The following TMEM192 variants were observed in gnomAD, a reference collection of about 807,000 sequenced individuals.
TMEM192 encodes the protein transmembrane protein 192.
Under a neutral mutation model 26.7 loss-of-function variants are expected in TMEM192, and 20 were observed. The ratio of observed to expected loss-of-function variants is 0.75; its 90% CI spans 0.53 to 1.09. The LOEUF is 1.09. Among genes scored for constraint, TMEM192 ranks in the 50% least tolerant of loss-of-function variants. The pLI, the probability that TMEM192 is intolerant of heterozygous loss-of-function variation, is 0.00. For synonymous variants in TMEM192, 124 were observed against 121.0 expected (o/e 1.02, Z -0.16); for missense variants, 304 against 322.6 (o/e 0.94, Z 0.44).
At position 165,108,827 on chromosome 4, in the gene TMEM192, C is replaced by A. The variant is rs527687575; in HGVS notation, c.27+3920G>T. ...CTCTGGGTGCTCTGTCTTGTGAACT[C>A]CAGTTACCTCGATCTCCTAGACCCT... On this transcript the variant is annotated intron_variant, in intron 1 of 5. Transcript: ENST00000306480. Among the ~76,000 whole-genome samples, 236 of 152,270 alleles carry A rather than the reference C, an allele frequency of 1.5e-3. 2 individuals carry two copies. Among genetic ancestry groups the A allele is most frequent in the Non-Finnish European group, 3.0e-3 (201 of 68,018 alleles).
intron 3 of TMEM192, among the ~76,000 whole-genome samples, chr4:165,093,921 C>T (rs1364964500): frequency 3.5e-4 from 53 of 151,868 alleles, no homozygotes; most frequent in Admixed American, 3.5e-3. Context: ...TTTTTTGAGT[C>T]GGAGTTTTGC....
chr4:165,093,160 G>A (rs1253887453), intron 3 of TMEM192, among the ~76,000 whole-genome samples: 3 of 138,228 alleles, frequency 2.2e-5, no homozygotes, highest in Admixed American at 1.7e-4. Flanking sequence ...GCGGTGGCAC[G>A]ATCTCAGCTC....
chr4:165,075,573 AT>A lies in TMEM192; in HGVS notation c.*4084del, dbSNP rs70952698. The A allele has an allele frequency of 0.015, 2,029 of 135,630 alleles. 30 individuals are homozygous for A. The highest frequency in any genetic ancestry group is 0.046 in the African/African-American group (1,656 of 36,136). The allele number at this position is 135,630 out of a possible 1,614,324, so 8.4% of individuals were successfully genotyped here. A position where few individuals can be genotyped will look rare whatever the true frequency, so the allele number is the denominator to read the frequency against. ...CCAGCCGAAATACAAAATTTTTAGTATTTTTTTTTTTTTTTGAGATGGAGCC... is the reference window on the plus strand; with the variant it reads ...CCAGCCGAAATACAAAATTTTTAGTATTTTTTTTTTTTTTGAGATGGAGCC... On this transcript the variant is annotated 3_prime_UTR_variant, in exon 6 of 6. Coordinates refer to ENST00000306480, the MANE Select transcript of TMEM192 (RefSeq NM_001100389.2).
intron 3 of TMEM192, among the ~76,000 whole-genome samples, chr4:165,100,377 C>G (rs1334702969): frequency 6.6e-6 from 1 of 152,026 alleles, no homozygotes; most frequent in African/African-American, 2.4e-5. Context: ...CCAGGATGGT[C>G]TCGATCTCCT....
intron 1 of TMEM192, among the ~76,000 whole-genome samples, chr4:165,108,694 G>A (rs892277403): frequency 1.3e-5 from 2 of 152,182 alleles, no homozygotes; most frequent in African/African-American, 4.8e-5. Context: ...AGGCCTCCAA[G>A]AGCTTCCTCA....
chr4:165,084,886 C>T (rs767116050), intron 5 of TMEM192, among the ~76,000 whole-genome samples: 7 of 151,942 alleles, frequency 4.6e-5, no homozygotes, highest in East Asian at 1.9e-4. Flanking sequence ...GTGGGCAGAC[C>T]GGGCTGGCTG....
intron 3 of TMEM192, among the ~76,000 whole-genome samples, chr4:165,095,621 G>C (rs1170234040): frequency 6.6e-6 from 1 of 152,114 alleles, no homozygotes; most frequent in Non-Finnish European, 1.5e-5. Flanking sequence ...CATGTCCTCA[G>C]CCTCTGGCTT....
chr4:165,090,171 A>ACT (rs1396845707), intron 3 of TMEM192, among the ~76,000 whole-genome samples: 1 of 139,376 alleles, frequency 7.2e-6, no homozygotes, highest in African/African-American at 2.6e-5. Context: ...AGATCGTGGC[A>ACT]CTGCACTCCA....
chr4:165,092,787 A>G (rs7682232), intron 3 of TMEM192, among the ~76,000 whole-genome samples: 40,327 of 151,828 alleles, frequency 0.27, 6,017 homozygotes, highest in Admixed American at 0.39. Context: ...CAAACTAACT[A>G]CACAAGCCTA....
intron 4 of TMEM192, among the ~76,000 whole-genome samples, chr4:165,087,144 G>T (rs1197454632): frequency 2.0e-5 from 3 of 152,074 alleles, no homozygotes; most frequent in Non-Finnish European, 4.4e-5. Context: ...TGCCTTTTAT[G>T]CCACATGAAA....
chr4:165,087,688 C>G (rs1734654693), intron 4 of TMEM192, among the ~76,000 whole-genome samples: 1 of 151,998 alleles, frequency 6.6e-6, no homozygotes, highest in African/African-American at 2.4e-5. Context: ...GCCTGTAATC[C>G]CAGCACTTTG....
intron 3 of TMEM192, among the ~76,000 whole-genome samples, chr4:165,099,776 T>A (rs1734995321): frequency 6.6e-6 from 1 of 152,056 alleles, no homozygotes; most frequent in Non-Finnish European, 1.5e-5. Context: ...GAGAACCTGC[T>A]TCTACATAAA....
At chr4:165,096,432 T>C (rs1017440680) in intron 3 of TMEM192, among the ~76,000 whole-genome samples, 1 of 151,722 alleles carries the variant, frequency 6.6e-6, no homozygotes, top group Non-Finnish European at 1.5e-5. Context: ...TATATGTATT[T>C]GGATCTAAGG....
intron 1 of TMEM192, among the ~76,000 whole-genome samples, chr4:165,107,321 C>CTT (rs113293161): frequency 3.4e-5 from 5 of 147,112 alleles, no homozygotes; most frequent in African/African-American, 1.0e-4. Flanking sequence ...TGTACCCAAC[C>CTT]TTTTTTTTTA....
In TMEM192 at chr4:165,070,905, AG is replaced by A. The variant is rs1734261729; in HGVS notation, c.*8752del. 1 of 152,248 alleles carries A rather than the reference AG, an allele frequency of 6.6e-6. No individual in the cohort carries two copies. The highest frequency in any genetic ancestry group is 1.5e-5 in the Non-Finnish European group (1 of 68,046). 9.4% of individuals were successfully genotyped at this position (152,248 alleles called of 1,614,324 possible). On this transcript the variant is annotated 3_prime_UTR_variant, in exon 6 of 6. Coordinates refer to ENST00000306480, the MANE Select transcript of TMEM192 (RefSeq NM_001100389.2). ...CTGTTCTATGTATGAAGGACACAGTAGTAAGCAAAAGATAGAGCTTACATTC... is the reference window on the plus strand; with the variant it reads ...CTGTTCTATGTATGAAGGACACAGTATAAGCAAAAGATAGAGCTTACATTC...
chr4:165,089,337 TGGAGACG>T (rs1190871385), intron 3 of TMEM192, among the ~76,000 whole-genome samples: 2 of 151,988 alleles, frequency 1.3e-5, no homozygotes, highest in African/African-American at 4.8e-5. Flanking sequence ...TCTTTTTTTT[TGGAGACG>T]GAGTCTCACT....
At chr4:165,102,371 A>T (rs1434505533) in intron 2 of TMEM192, among the ~76,000 whole-genome samples, 1 of 152,174 alleles carries the variant, frequency 6.6e-6, no homozygotes, top group African/African-American at 2.4e-5. Context: ...TGTCTCTTCC[A>T]CCAAGACCCT....
intron 1 of TMEM192, among the ~76,000 whole-genome samples, chr4:165,106,568 A>C (rs1735164924): frequency 2.6e-5 from 4 of 152,240 alleles, no homozygotes; most frequent in African/African-American, 9.6e-5. Flanking sequence ...AGCACAGAAT[A>C]GGCGTATAAG....
chr4:165,103,120 C>A (rs369447166), intron 1 of TMEM192, 24 bp from the exon 2 acceptor site: 4 of 1,575,376 alleles, frequency 2.5e-6, no homozygotes, highest in Non-Finnish European at 3.4e-6. Flanking sequence ...AAACAAGCAA[C>A]CTATAATCAC....
Sources: allele counts gnomAD v4.1 joint callset (sites outside exome capture counted in the v4.1 genomes callset), GRCh38; gene constraint gnomAD v4.1.1; transcripts MANE v1.5; gene names NCBI Gene and HGNC (gene_info 2026-07-23, HGNC 2026-07-21).